DPH6: variants seen among roughly 807,000 people sequenced by gnomAD.
The protein encoded by DPH6 is diphthamine biosynthesis 6, also known as diphthine--ammonia ligase.
DPH6 carries 33 observed loss-of-function variants against 38.2 expected under a neutral mutation model. The ratio of observed to expected loss-of-function variants is 0.86; its 90% confidence interval spans 0.65 to 1.15. The LOEUF is 1.15. Among genes scored for constraint, DPH6 ranks in the 50% most tolerant of loss-of-function variants. DPH6 has a pLI of 0.00. For missense variants in DPH6, 325 were observed against 320.0 expected (o/e 1.02, Z -0.12); for synonymous variants, 108 against 103.0 (o/e 1.05, Z -0.30).
At chr15:35,501,814 G>C (rs1019336226) in intron 3 of DPH6, among the ~76,000 whole-genome samples, 1 of 151,988 alleles carries the variant, frequency 6.6e-6, no homozygotes, top group Non-Finnish European at 1.5e-5. Context: ...TTTTAAAATG[G>C]TTCCCACAGT....
At chr15:35,287,250 T>C (rs375609970) in intron 3 of DPH6, among the ~76,000 whole-genome samples, 18 of 152,264 alleles carry the variant, frequency 1.2e-4, no homozygotes, top group African/African-American at 4.1e-4. Flanking sequence ...GCACTTATTA[T>C]CTCTGATTAG....
At chr15:35,392,743 A>G (rs1310403270) in intron 6 of DPH6, among the ~76,000 whole-genome samples, 1 of 152,220 alleles carries the variant, frequency 6.6e-6, no homozygotes, top group Non-Finnish European at 1.5e-5. Flanking sequence ...AAAGCAGGGT[A>G]CCAATCTAAA....
Position 35,306,332 on chromosome 15 carries a change from C to T in DPH6, n.200+67189G>A, listed in dbSNP as rs147779644. Reference sequence around the variant, plus strand: ...CAAGGGAAATAATTCAAGTGATGCACTCAATTGGCTCTTTTCTTTCTAGAA... The same window carrying T: ...CAAGGGAAATAATTCAAGTGATGCATTCAATTGGCTCTTTTCTTTCTAGAA... On this transcript the variant is annotated intron_variant and non_coding_transcript_variant, in intron 3 of 3. Coordinates refer to the DPH6 transcript ENST00000560386. Among the ~76,000 whole-genome samples, 711 of 152,218 alleles carry T rather than the reference C, an allele frequency of 4.7e-3. 8 individuals are homozygous for T. Among genetic ancestry groups the T allele is most frequent in the African/African-American group, 0.016 (649 of 41,530 alleles).
At chr15:35,401,078 T>A (rs1220008000) in intron 6 of DPH6, 1 of 911,582 alleles carries the variant, frequency 1.1e-6, no homozygotes, top group Non-Finnish European at 1.8e-6. Flanking sequence ...ACAGAAAAAT[T>A]GAAGAAAAGG....
chr15:35,436,478 C>CA (rs1555401685), intron 5 of DPH6, among the ~76,000 whole-genome samples: 2 of 61,184 alleles, frequency 3.3e-5, no homozygotes, highest in African/African-American at 1.1e-4. Flanking sequence ...ACAAAACAAA[C>CA]AAAAACAAAA....
intron 3 of DPH6, chr15:35,298,742 G>T: frequency 4.5e-6 from 7 of 1,561,112 alleles, no homozygotes; most frequent in East Asian, 2.2e-5. Context: ...GTGCGCCACC[G>T]TGCCCCCCAA....
intron 3 of DPH6, chr15:35,520,544 C>T: frequency 2.0e-6 from 2 of 984,430 alleles, no homozygotes; most frequent in Non-Finnish European, 2.4e-6. Flanking sequence ...ACTTTCAGTA[C>T]ATATATACAA....
chr15:35,516,747 A>G (rs191419208), intron 3 of DPH6, among the ~76,000 whole-genome samples: 21 of 152,284 alleles, frequency 1.4e-4, no homozygotes, highest in Admixed American at 1.4e-3. Flanking sequence ...ACTCACTCAC[A>G]TGCCACATAG....
At chr15:35,458,367 T>C (rs1360765616) in intron 3 of DPH6, among the ~76,000 whole-genome samples, 1 of 152,024 alleles carries the variant, frequency 6.6e-6, no homozygotes, top group Non-Finnish European at 1.5e-5. Context: ...CTAGGTAGAG[T>C]TGCAACACAG....
intron 4 of DPH6, among the ~76,000 whole-genome samples, chr15:35,451,028 G>C (rs926017041): frequency 2.0e-5 from 3 of 151,992 alleles, no homozygotes; most frequent in African/African-American, 7.2e-5. Context: ...AGGCACACTA[G>C]AAATATTAAT....
intron 3 of DPH6, among the ~76,000 whole-genome samples, chr15:35,303,076 C>G (rs1408438433): frequency 6.6e-6 from 1 of 152,088 alleles, no homozygotes; most frequent in Non-Finnish European, 1.5e-5. Flanking sequence ...TTCTCTTACA[C>G]AGGTGACAAT....
the DPH6 span, among the ~76,000 whole-genome samples, chr15:35,208,426 C>T: frequency 6.6e-6 from 1 of 152,168 alleles, no homozygotes; most frequent in African/African-American, 2.4e-5. Flanking sequence ...CCACAAGTGT[C>T]ATAATCAAAT....
At chr15:35,469,857 C>T (rs977585124) in intron 3 of DPH6, among the ~76,000 whole-genome samples, 1 of 151,890 alleles carries the variant, frequency 6.6e-6, no homozygotes, top group Non-Finnish European at 1.5e-5. Flanking sequence ...AATGAAGCCC[C>T]GAGAACATAC....
chr15:35,282,467 C>T, intron 3 of DPH6: 1 of 182,420 alleles, frequency 5.5e-6, no homozygotes, highest in East Asian at 1.6e-4. Flanking sequence ...GTGTGAGCCA[C>T]CACACCCAGC....
intron 3 of DPH6, among the ~76,000 whole-genome samples, chr15:35,245,315 T>C (rs2051629461): frequency 7.2e-6 from 1 of 139,410 alleles, no homozygotes; most frequent in Admixed American, 7.9e-5. Context: ...CTCGGCTCAC[T>C]GCAAGCTCCG....
chr15:35,283,488 G>A (rs2051917015), intron 3 of DPH6, among the ~76,000 whole-genome samples: 3 of 151,672 alleles, frequency 2.0e-5, no homozygotes, highest in South Asian at 4.2e-4. Context: ...AGCAGAGATG[G>A]GGTTTCACCA....
chr15:35,199,812 A>G, the DPH6 span, among the ~76,000 whole-genome samples: 14 of 152,234 alleles, frequency 9.2e-5, no homozygotes, highest in Non-Finnish European at 2.1e-4. Flanking sequence ...TGTCCTGGAA[A>G]TAGGAGAGTG....
intron 5 of DPH6, among the ~76,000 whole-genome samples, chr15:35,436,355 A>G (rs112177350): frequency 1.3e-5 from 2 of 151,486 alleles, no homozygotes; most frequent in Non-Finnish European, 2.9e-5. Flanking sequence ...ACTCCCAGCT[A>G]CTCGGGAGGC....
At chr15:35,502,118 A>C (rs8028750) in intron 3 of DPH6, among the ~76,000 whole-genome samples, 17,036 of 152,046 alleles carry the variant, frequency 0.11, 1,482 homozygotes, top group African/African-American at 0.25. Flanking sequence ...GTTGATCCTT[A>C]ATTTTTACTG....
Sources: gnomAD v4.1 joint callset for allele counts (sites outside exome capture counted in the v4.1 genomes callset) on GRCh38, gnomAD v4.1.1 for gene constraint, MANE v1.5 for transcripts, NCBI Gene and HGNC (gene_info 2026-07-23, HGNC 2026-07-21) for gene names.